The following PACRGL variants were observed in gnomAD, a reference collection of about 807,000 sequenced individuals.
The protein encoded by PACRGL is parkin coregulated like.
A neutral mutation model predicts 34.5 loss-of-function variants in PACRGL; 38 were observed. That is an observed-to-expected ratio of 1.10 (90% CI 0.85 to 1.44). PACRGL has a LOEUF of 1.44. Among genes scored for constraint, PACRGL ranks in the 40% most tolerant of loss-of-function variants. The probability of loss-of-function intolerance (pLI) is 0.00; values close to 1 mark genes in which losing one functional copy is unlikely to be tolerated. For synonymous variants in PACRGL, 128 were observed against 100.1 expected (o/e 1.28, Z -1.66); for missense variants, 305 against 281.4 (o/e 1.08, Z -0.60).
chr4:20,703,238 G>T (rs1346146527), intron 1 of PACRGL, among the ~76,000 whole-genome samples: 1 of 152,094 alleles, frequency 6.6e-6, no homozygotes, highest in African/African-American at 2.4e-5. Flanking sequence ...CCTAAGGGAA[G>T]ATCTTACACT....
At chr4:20,720,600 G>T (rs191690468) in intron 7 of PACRGL, among the ~76,000 whole-genome samples, 7 of 152,176 alleles carry the variant, frequency 4.6e-5, no homozygotes, top group Non-Finnish European at 1.0e-4. Flanking sequence ...AGTTTGGCTG[G>T]ATATGAAATT....
chr4:20,703,544 T>C (rs1166255514), intron 1 of PACRGL, among the ~76,000 whole-genome samples: 2 of 150,208 alleles, frequency 1.3e-5, no homozygotes, highest in South Asian at 2.1e-4. Context: ...AGAGATACAA[T>C]TGTAGAAATT....
downstream of PACRGL, among the ~76,000 whole-genome samples, chr4:20,755,925 G>A (rs1754386807): frequency 6.6e-6 from 1 of 152,104 alleles, no homozygotes; most frequent in Admixed American, 6.6e-5. Context: ...ATAAGGCAGA[G>A]AAGGGACAAG....
intron 8 of PACRGL, among the ~76,000 whole-genome samples, chr4:20,726,695 A>C (rs757713360): frequency 2.0e-5 from 3 of 152,176 alleles, no homozygotes; most frequent in Non-Finnish European, 4.4e-5. Flanking sequence ...GGAACTATTC[A>C]ACTTTTGGAT....
intron 8 of PACRGL, among the ~76,000 whole-genome samples, chr4:20,741,295 T>C (rs1751035408): frequency 6.6e-6 from 1 of 152,024 alleles, no homozygotes; most frequent in African/African-American, 2.4e-5. Context: ...GTCACACTTA[T>C]TCCAAAATTG....
At chr4:20,759,280 A>C in the PACRGL span, among the ~76,000 whole-genome samples, 15 of 152,256 alleles carry the variant, frequency 9.9e-5, no homozygotes, top group South Asian at 2.9e-3. Flanking sequence ...GGTTTTCTGA[A>C]CTCACATAAT....
chr4:20,712,246 CT>C (rs1023562984), intron 5 of PACRGL, among the ~76,000 whole-genome samples: 5 of 144,136 alleles, frequency 3.5e-5, no homozygotes, highest in African/African-American at 1.3e-4. Flanking sequence ...TTTTCTTTTC[CT>C]TTTTCTTATT....
intron 7 of PACRGL, chr4:20,716,204 T>G: frequency 1.0e-6 from 1 of 979,820 alleles, no homozygotes; most frequent in Non-Finnish European, 1.6e-6. Flanking sequence ...CTGGCTGTTA[T>G]GGTTTCTTAC....
chr4:20,718,032 C>T (rs1053557819), intron 7 of PACRGL, among the ~76,000 whole-genome samples: 2 of 152,052 alleles, frequency 1.3e-5, no homozygotes, highest in Admixed American at 6.5e-5. Context: ...TTGTAGTTCT[C>T]CTTGAAGAGG....
the PACRGL span, among the ~76,000 whole-genome samples, chr4:20,761,216 C>T: frequency 6.6e-6 from 1 of 152,136 alleles, no homozygotes; most frequent in African/African-American, 2.4e-5. Flanking sequence ...TCTGAGGCTC[C>T]AGCTTGCCAG....
chr4:20,727,458 T>A lies in PACRGL; in HGVS notation c.*117T>A. On this transcript the variant is annotated 3_prime_UTR_variant, in exon 9 of 9. Transcript: ENST00000503585. ...CAGCCACCATTCATTATTTACTAGGTTAAGATGAATAGACACTGAATCAAA... is the reference window on the plus strand; with the variant it reads ...CAGCCACCATTCATTATTTACTAGGATAAGATGAATAGACACTGAATCAAA... 1 of 782,064 alleles carries A rather than the reference T, an allele frequency of 1.3e-6. No homozygotes were observed. Among genetic ancestry groups the A allele is most frequent in the African/African-American group, 1.7e-5 (1 of 58,590 alleles). 48.4% of individuals were successfully genotyped at this position (782,064 alleles called of 1,614,324 possible).
chr4:20,710,974 G>A (rs62410125), intron 5 of PACRGL, among the ~76,000 whole-genome samples: 3,024 of 152,044 alleles, frequency 0.02, 46 homozygotes, highest in Middle Eastern at 0.031. Context: ...GATCACTTGA[G>A]CCCAGGAGTT....
At chr4:20,705,041 G>A (rs192726345) in intron 3 of PACRGL, among the ~76,000 whole-genome samples, 49 of 152,284 alleles carry the variant, frequency 3.2e-4, no homozygotes, top group African/African-American at 5.1e-4. Flanking sequence ...ATATCGCATT[G>A]TAGTGCATAG....
intron 3 of PACRGL, among the ~76,000 whole-genome samples, 165 bp from the exon 4 acceptor site, chr4:20,707,638 G>T (rs545855772): frequency 6.6e-6 from 1 of 152,308 alleles, no homozygotes; most frequent in Admixed American, 6.5e-5. Context: ...ACCAAGTGTG[G>T]TCGTGGTATT....
Position 20,745,863 on chromosome 4 carries a change from G to C in PACRGL, c.*57-6702G>C, listed in dbSNP as rs147061509. 4.7e-3 allele frequency among the ~76,000 whole-genome samples: 716 copies of C among 152,208 alleles called. 2 individuals carry two copies. The highest frequency in any genetic ancestry group is 0.016 in the African/African-American group (673 of 41,528). ...GCTTAGAATGATGCATTTGCATGTA[G>C]TTGCCTTACTGGGTAATGAGATGAC... On this transcript the variant is annotated intron_variant, in intron 8 of 8. Coordinates refer to the PACRGL transcript ENST00000507634.
At chr4:20,720,924 C>T (rs185467933) in intron 7 of PACRGL, among the ~76,000 whole-genome samples, 1 of 152,300 alleles carries the variant, frequency 6.6e-6, no homozygotes, top group African/African-American at 2.4e-5. Context: ...GCGTGTTTTC[C>T]AACTTGGTTC....
chr4:20,713,717 A>G (rs1738453428), intron 7 of PACRGL, among the ~76,000 whole-genome samples, 178 bp downstream of exon 7: 1 of 152,184 alleles, frequency 6.6e-6, no homozygotes, highest in South Asian at 2.1e-4. Flanking sequence ...CGTTGGTTTC[A>G]AAGAACATCT....
At chr4:20,715,852 G>A (rs1014349579) in intron 7 of PACRGL, among the ~76,000 whole-genome samples, 3 of 151,990 alleles carry the variant, frequency 2.0e-5, no homozygotes, top group African/African-American at 4.8e-5. Context: ...GTAACAGAGC[G>A]AGTCTGCACT....
chr4:20,744,975 A>G (rs1560426332), intron 8 of PACRGL, among the ~76,000 whole-genome samples: 1 of 152,050 alleles, frequency 6.6e-6, no homozygotes, highest in Non-Finnish European at 1.5e-5. Context: ...TGGCCGGACA[A>G]CTGGATTTGT....
Sources: allele counts gnomAD v4.1 joint callset (sites outside exome capture counted in the v4.1 genomes callset), GRCh38; gene constraint gnomAD v4.1.1; transcripts MANE v1.5; gene names NCBI Gene and HGNC (gene_info 2026-07-23, HGNC 2026-07-21).